Variants in TTC21B observed in about 807,000 individuals in gnomAD.
The protein encoded by TTC21B is tetratricopeptide repeat protein 21B.
A neutral mutation model predicts 175.1 loss-of-function variants in TTC21B; 127 were observed. The observed-to-expected ratio is 0.73, with a 90% CI of 0.63 to 0.84. The LOEUF is 0.84. Ranked by LOEUF, TTC21B falls within the 40% of genes least tolerant of loss-of-function variation. TTC21B has a pLI of 0.00. For synonymous variants in TTC21B, 524 were observed against 524.5 expected, an observed-to-expected ratio of 1.00 and a Z score of 0.01; for missense variants, 1,561 against 1,558.3, an observed-to-expected ratio of 1.00 and a Z score of -0.03.
chr2:165,901,612 T>G (rs2105305847), intron 20 of TTC21B, 110 bp downstream of exon 20: 6 of 1,102,186 alleles, frequency 5.4e-6, no homozygotes, highest in South Asian at 1.3e-5. Context: ...CATCAGCCAC[T>G]GCACCCTGCC....
At chr2:165,874,869 C>T in intron 28 of TTC21B, 37 bp from the exon 29 acceptor site, 1 of 1,584,264 alleles carries the variant, frequency 6.3e-7, no homozygotes, top group Non-Finnish European at 8.7e-7. Context: ...AAACTTGTAA[C>T]TAATAATCAA....
chr2:165,890,533 G>C lies in TTC21B; in HGVS notation c.3209C>G (p.Pro1070Arg). ...LYNMIEICLN[P>R]DNETVGGEVF... The stretch of plus-strand genomic sequence containing the variant: ...TTCACCTCCAACAGTTTCATTATCT[G>C]GATTCAAACAGATCTCTATCATATT... Residue 1070 changes from proline to arginine, a missense_variant, in exon 24 of 29, where the codon CCA becomes CGA. Pro to Arg is a moderately radical substitution (Grantham distance 103, BLOSUM62 -2). Transcript: ENST00000243344. 6.2e-7 allele frequency: 1 copy of C among 1,613,544 alleles called. No homozygotes were observed. The highest frequency in any genetic ancestry group is 8.5e-7 in the Non-Finnish European group (1 of 1,179,700).
Position 165,924,724 on chromosome 2 carries a change from T to C in TTC21B, c.1387-46A>G, listed in dbSNP as rs764449423. On this transcript the variant is annotated intron_variant, in intron 11 of 28. Coordinates refer to ENST00000243344, the MANE Select transcript of TTC21B (RefSeq NM_024753.5). ...GATCATTTTATAAGTGTAAAAATAATATTTACCTAAAATAAACATATATTA... is the reference window on the plus strand; with the variant it reads ...GATCATTTTATAAGTGTAAAAATAACATTTACCTAAAATAAACATATATTA... The C allele has an allele frequency of 2.4e-5, 37 of 1,562,284 alleles. No homozygotes were observed. The East Asian group carries it at 7.1e-4, about 30-fold the overall frequency.
In TTC21B at chr2:165,916,421, A is replaced by C. The variant is rs1176936839; in HGVS notation, c.1899+836T>G. Among the ~76,000 whole-genome samples, 3 of 152,218 alleles carry C rather than the reference A, an allele frequency of 2.0e-5. No homozygotes were observed. In the East Asian group the frequency reaches 5.8e-4, roughly 29 times the overall value. ...TGACTTTGAGTTCCTCATTTTCTAC[A>C]AAGTTGTAATTCTCCCAGAATTACT... On this transcript the variant is annotated intron_variant, in intron 14 of 28. Coordinates refer to ENST00000243344, the MANE Select transcript of TTC21B (RefSeq NM_024753.5).
At chr2:165,941,887 G>A (rs1687381382) in intron 5 of TTC21B, among the ~76,000 whole-genome samples, 1 of 151,962 alleles carries the variant, frequency 6.6e-6, no homozygotes, top group Non-Finnish European at 1.5e-5. Flanking sequence ...AGTTTAACTG[G>A]TTATTTCCAA....
intron 22 of TTC21B, among the ~76,000 whole-genome samples, chr2:165,896,958 A>T (rs1187117563): frequency 1.3e-5 from 2 of 152,122 alleles, no homozygotes; most frequent in Non-Finnish European, 2.9e-5. Flanking sequence ...CCAGCTCTGC[A>T]CCCACCTTCC....
chr2:165,933,152 A>G (rs1686976701), intron 6 of TTC21B, 95 bp from the exon 7 acceptor site: 6 of 960,238 alleles, frequency 6.2e-6, no homozygotes, highest in South Asian at 1.4e-5. Flanking sequence ...TCACTATTCC[A>G]CTGTTCAAAT....
chr2:165,886,590 G>C (rs1185304905), intron 25 of TTC21B, among the ~76,000 whole-genome samples: 2 of 152,058 alleles, frequency 1.3e-5, no homozygotes, highest in Non-Finnish European at 2.9e-5. Context: ...CAGATCTGAA[G>C]ATAGTATTTT....
chr2:165,906,070 C>T (rs1685719679), intron 19 of TTC21B, among the ~76,000 whole-genome samples: 1 of 151,842 alleles, frequency 6.6e-6, no homozygotes, highest in African/African-American at 2.4e-5. Context: ...CAATGTTACA[C>T]TTTTAAATAA....
chr2:165,884,203 C>T (rs912456048), intron 25 of TTC21B, among the ~76,000 whole-genome samples, 185 bp from the exon 26 acceptor site: 1 of 152,166 alleles, frequency 6.6e-6, no homozygotes, highest in Non-Finnish European at 1.5e-5. Flanking sequence ...ATGAAGAAAA[C>T]TTGGTCAAGC....
At chr2:165,931,374 T>C (rs1427615675) in intron 8 of TTC21B, among the ~76,000 whole-genome samples, 1 of 152,148 alleles carries the variant, frequency 6.6e-6, no homozygotes, top group Non-Finnish European at 1.5e-5. Flanking sequence ...AAAAATAAGA[T>C]ACCAACCATT....
rs1256938023 is a variant in TTC21B, at chr2:165,927,285, TCCTAGTAGTTATATA to T, written c.1386+1835_1386+1849del. Reference sequence around the variant, plus strand: ...ATCCTAGTAGTTATATATATATATATCCTAGTAGTTATATATATATATTATATATTATATAATATA... The same window carrying T: ...ATCCTAGTAGTTATATATATATATATTATATATTATATATTATATAATATA... On this transcript the variant is annotated intron_variant, in intron 11 of 28. Coordinates refer to ENST00000243344, the MANE Select transcript of TTC21B (RefSeq NM_024753.5). Among the ~76,000 whole-genome samples the T allele has an allele frequency of 8.6e-3, 490 of 56,980 alleles. 86 individuals carry two copies. The highest frequency in any genetic ancestry group is 0.082 in the Admixed American group (353 of 4,312). 37.4% of individuals were successfully genotyped at this position (56,980 alleles called of 152,430 possible).
intron 25 of TTC21B, 141 bp from the exon 26 acceptor site, chr2:165,884,159 C>G: frequency 1.4e-6 from 1 of 738,450 alleles, no homozygotes; most frequent in South Asian, 1.5e-5. Context: ...GATTACAGGT[C>G]ATTATTTAAC....
rs773750065 is a variant in TTC21B at position 165,929,722 on chromosome 2, T to C, written c.1113A>G (p.Glu371=). ...GCTGATCTGCATCCTGTAATTGCCCTTCTATCAACTGACATTGGATAAATC... is the reference window on the plus strand; with the variant it reads ...GCTGATCTGCATCCTGTAATTGCCCCTCTATCAACTGACATTGGATAAATC... ...LVGFIQCQLI[E]GQLQDADQQL... The change falls in exon 10 of 29, where the codon GAA becomes GAG. Residue 371 remains glutamate (E), a synonymous_variant. Transcript: ENST00000243344. 4 of 1,612,216 alleles carry C rather than the reference T, an allele frequency of 2.5e-6. No homozygotes were observed. Among genetic ancestry groups the C allele is most frequent in the Non-Finnish European group, 3.4e-6 (4 of 1,178,958 alleles).
intron 15 of TTC21B, 27 bp from the exon 16 acceptor site, chr2:165,913,673 C>T (rs199923999): frequency 6.4e-7 from 1 of 1,551,720 alleles, no homozygotes; most frequent in Non-Finnish European, 8.9e-7. Context: ...CATTACTTAG[C>T]ATATTGAACA....
At position 165,945,608 on chromosome 2, in the gene TTC21B, G is replaced by A. The variant is rs370444063; in HGVS notation, c.345C>T (p.Gly115=). The A allele has an allele frequency of 2.9e-5, 46 of 1,613,596 alleles. No homozygotes were observed. The African/African-American group carries it at 6.1e-4, about 22-fold the overall frequency. The change falls in exon 4 of 29, where the codon GGC becomes GGT. Residue 115 remains glycine, a synonymous_variant. Transcript: ENST00000243344. ...GGCGACCAATGTGCCATAAAAATAAGCCTGCATGGTATAAGGCTTTCTCTC... is the reference window on the plus strand; with the variant it reads ...GGCGACCAATGTGCCATAAAAATAAACCTGCATGGTATAAGGCTTTCTCTC... ...GAGEKALYHA[G]LFLWHIGRHD...
chr2:165,915,609 G>A (rs1188277865), intron 14 of TTC21B, among the ~76,000 whole-genome samples, 170 bp from the exon 15 acceptor site: 4 of 152,104 alleles, frequency 2.6e-5, no homozygotes, highest in African/African-American at 7.2e-5. Flanking sequence ...CTAAACCCAT[G>A]ACCAAAATCA....
intron 19 of TTC21B, among the ~76,000 whole-genome samples, chr2:165,904,573 C>T (rs1685667879): frequency 6.6e-6 from 1 of 152,214 alleles, no homozygotes; most frequent in Admixed American, 6.5e-5. Flanking sequence ...CAAAAGGTGA[C>T]TAGTATAGTA....
At chr2:165,898,843 A>G in intron 21 of TTC21B, 76 bp from the exon 22 acceptor site, 1 of 928,840 alleles carries the variant, frequency 1.1e-6, no homozygotes, top group Non-Finnish European at 1.8e-6. Flanking sequence ...AAGATTTAGC[A>G]CTAGAAAAAT....
Sources: allele counts gnomAD v4.1 joint callset (sites outside exome capture counted in the v4.1 genomes callset), GRCh38; gene constraint gnomAD v4.1.1; transcripts MANE v1.5; gene names NCBI Gene and HGNC (gene_info 2026-07-23, HGNC 2026-07-21).